The following FANCA variants were observed in gnomAD, a reference collection of about 807,000 sequenced individuals.
FANCA encodes Fanconi anemia group A protein.
In FANCA, 236 loss-of-function variants were observed where a neutral mutation model predicts 194.3. The observed-to-expected ratio is 1.21, with a 90% CI of 1.09 to 1.35. The LOEUF is 1.35. Ranked by LOEUF, FANCA falls within the 40% of genes most tolerant of loss-of-function variation. FANCA has a pLI of 0.00. For synonymous variants in FANCA, 1,014 were observed against 715.8 expected, an observed-to-expected ratio of 1.42 and a Z score of -6.65; for missense variants, 2,628 against 1,813.9, an observed-to-expected ratio of 1.45 and a Z score of -8.15.
chr16:89,767,088 C>G, intron 27 of FANCA, 53 bp downstream of exon 27: 2 of 1,429,654 alleles, frequency 1.4e-6, no homozygotes, highest in East Asian at 2.3e-5. Context: ...CCGAAAGCTG[C>G]GTAAACCTGA....
At position 89,816,622 on chromosome 16, in the gene FANCA, G is replaced by C. The variant is rs1177916357; in HGVS notation, c.-7C>G. 1 of 1,521,902 alleles carries C rather than the reference G, an allele frequency of 6.6e-7. No individual in the cohort carries two copies. Among genetic ancestry groups the C allele is most frequent in the East Asian group, 2.6e-5 (1 of 39,064 alleles). 94.3% of individuals were successfully genotyped at this position (1,521,902 alleles called of 1,614,324 possible). A position where few individuals can be genotyped will look rare whatever the true frequency, so the allele number is the denominator to read the frequency against. On this transcript the variant is annotated 5_prime_UTR_variant, in exon 1 of 43. Coordinates refer to ENST00000389301, the MANE Select transcript of FANCA (RefSeq NM_000135.4). ...GGACCCACGAGTCGGACATGGCCTT[G>C]GCGCCTACAGCCCCGGCGGCGGCTC...
chr16:89,791,024 T>TTG (rs1555561041), intron 14 of FANCA: 4 of 41,756 alleles, frequency 9.6e-5, no homozygotes, highest in Non-Finnish European at 2.0e-4. Context: ...TGTGTGTGTG[T>TTG]TTTTTTTTTT....
chr16:89,750,100 C>T (rs546161703), intron 31 of FANCA, among the ~76,000 whole-genome samples, 198 bp from the exon 32 acceptor site: 70 of 152,188 alleles, frequency 4.6e-4, no homozygotes, highest in Admixed American at 8.5e-4. Flanking sequence ...CTGTGGCTCA[C>T]GTCTGTAATG....
Position 89,799,151 on chromosome 16 carries a change from C to T in FANCA, c.893+15G>A. On this transcript the variant is annotated intron_variant, in intron 10 of 42. Coordinates refer to ENST00000389301, the MANE Select transcript of FANCA (RefSeq NM_000135.4). The stretch of plus-strand genomic sequence containing the variant: ...CCCTGCTGCACACTCAGGCAGGCCA[C>T]CCTCAGGAACATACCAGCACCTCAC... 1 of 1,614,196 alleles carries T rather than the reference C, an allele frequency of 6.2e-7. No individual in the cohort carries two copies. The highest frequency in any genetic ancestry group is 1.1e-5 in the South Asian group (1 of 91,088).
intron 37 of FANCA, among the ~76,000 whole-genome samples, chr16:89,741,314 C>G (rs1169261628): frequency 6.6e-6 from 1 of 152,230 alleles, no homozygotes; most frequent in Non-Finnish European, 1.5e-5. Flanking sequence ...GCCCTGGAGC[C>G]ACTAAAATCC....
At position 89,775,877 on chromosome 16, in the gene FANCA, A is replaced by T. The variant is rs182277753; in HGVS notation, c.1827-62T>A. The T allele has an allele frequency of 2.9e-4, 289 of 996,416 alleles. No homozygotes were observed. In the East Asian group the frequency reaches 7.2e-3, roughly 25 times the overall value. The allele number at this position is 996,416 out of a possible 1,614,324, so 61.7% of individuals were successfully genotyped here. ...TGGCTTAAATTAATTCAAGATTACA[A>T]TCCCCAAATCTATTATAAAATAAAA... On this transcript the variant is annotated intron_variant, in intron 20 of 42. Coordinates refer to ENST00000389301, the MANE Select transcript of FANCA (RefSeq NM_000135.4).
chr16:89,802,910 A>C (rs1000188136), intron 8 of FANCA, among the ~76,000 whole-genome samples: 2 of 152,164 alleles, frequency 1.3e-5, no homozygotes, highest in Non-Finnish European at 2.9e-5. Context: ...GCAGTGGGGG[A>C]ACGAAGAGAG....
chr16:89,749,296 TC>T (rs1197162510), intron 32 of FANCA, among the ~76,000 whole-genome samples: 2 of 152,190 alleles, frequency 1.3e-5, no homozygotes, highest in African/African-American at 4.8e-5. Flanking sequence ...CACTGAAACC[TC>T]TGCCTCCCAG....
At chr16:89,810,459 C>T (rs958920530) in intron 5 of FANCA, 10 of 481,952 alleles carry the variant, frequency 2.1e-5, no homozygotes, top group African/African-American at 5.9e-5. Context: ...CAAGGCTAAA[C>T]GTGTTTTTCA....
At position 89,795,822 on chromosome 16, in the gene FANCA, T is replaced by G. The variant is rs1333738107; in HGVS notation, c.1006+84A>C. ...AAAAGAGGTCCTAGAATTCCTGGCA[T>G]CTCCAGTCAGCGTTACCAAGGCAAC... On this transcript the variant is annotated intron_variant, in intron 11 of 42. Coordinates refer to ENST00000389301, the MANE Select transcript of FANCA (RefSeq NM_000135.4). The G allele has an allele frequency of 4.1e-6, 4 of 965,256 alleles. No individual in the cohort carries two copies. In the African/African-American group the frequency reaches 4.8e-5, roughly 12 times the overall value. The allele number at this position is 965,256 out of a possible 1,614,324, so 59.8% of individuals were successfully genotyped here.
chr16:89,777,463 C>A (rs561038239), intron 20 of FANCA, among the ~76,000 whole-genome samples: 5 of 151,668 alleles, frequency 3.3e-5, no homozygotes, highest in African/African-American at 1.2e-4. Flanking sequence ...TGGTGGCTCA[C>A]GCTTGTAATC....
At chr16:89,755,722 A>T (rs933959874) in intron 30 of FANCA, among the ~76,000 whole-genome samples, 5 of 152,258 alleles carry the variant, frequency 3.3e-5, no homozygotes, top group African/African-American at 1.2e-4. Context: ...CAACTCAGTA[A>T]GACAAATACA....
At position 89,738,061 on chromosome 16, in the gene FANCA, T is replaced by A; in HGVS notation, c.*540A>T. ...ACACAAGGCTGAGACTGAGCTGGAC[T>A]TTGCCTGTGACCAGTGTGGCCGGCG... On this transcript the variant is annotated 3_prime_UTR_variant, in exon 43 of 43. Coordinates refer to ENST00000389301, the MANE Select transcript of FANCA (RefSeq NM_000135.4). The A allele has an allele frequency of 6.2e-7, 1 of 1,614,106 alleles. No homozygotes were observed. Among genetic ancestry groups the A allele is most frequent in the South Asian group, 1.1e-5 (1 of 91,082 alleles).
At chr16:89,803,709 G>A (rs17232337) in intron 7 of FANCA, among the ~76,000 whole-genome samples, 13 of 148,238 alleles carry the variant, frequency 8.8e-5, no homozygotes, top group Admixed American at 3.5e-4. Flanking sequence ...TGCAACCTCC[G>A]CCTCCCAGGT....
chr16:89,750,428 AG>A (rs1327046823), intron 31 of FANCA, among the ~76,000 whole-genome samples: 1 of 151,390 alleles, frequency 6.6e-6, no homozygotes, highest in Non-Finnish European at 1.5e-5. Flanking sequence ...GCTTGCAGTG[AG>A]CCCAGATCGC....
chr16:89,774,915 G>A (rs1043436376), intron 21 of FANCA, among the ~76,000 whole-genome samples: 16 of 151,586 alleles, frequency 1.1e-4, no homozygotes, highest in African/African-American at 2.2e-4. Flanking sequence ...CCAACATGGC[G>A]AAACCCCATC....
intron 37 of FANCA, 118 bp downstream of exon 37, chr16:89,742,682 G>C (rs2143057853): frequency 4.6e-6 from 3 of 658,696 alleles, no homozygotes; most frequent in African/African-American, 2.2e-5. Flanking sequence ...AAAAAGTCTT[G>C]CTCCAAGCCA....
intron 36 of FANCA, chr16:89,744,656 G>A (rs1011437388): frequency 2.4e-6 from 1 of 412,112 alleles, no homozygotes; most frequent in South Asian, 2.2e-5. Flanking sequence ...CGAGACACTG[G>A]CAGAGGCTGT....
At chr16:89,804,815 C>T (rs1236433503) in intron 7 of FANCA, among the ~76,000 whole-genome samples, 3 of 152,010 alleles carry the variant, frequency 2.0e-5, no homozygotes, top group African/African-American at 7.3e-5. Flanking sequence ...GGGTGCATCA[C>T]GAGGTCAGGA....
Sources: gnomAD v4.1 joint callset for allele counts (sites outside exome capture counted in the v4.1 genomes callset) on GRCh38, gnomAD v4.1.1 for gene constraint, MANE v1.5 for transcripts, NCBI Gene and HGNC (gene_info 2026-07-23, HGNC 2026-07-21) for gene names.